MED1: variants seen among roughly 807,000 people sequenced by gnomAD.
MED1 encodes the protein mediator complex subunit 1.
A neutral mutation model predicts 121.3 loss-of-function variants in MED1; 17 were observed. That is an observed-to-expected ratio of 0.14 (90% CI 0.10 to 0.21). MED1 has a LOEUF of 0.21. Among genes scored for constraint, MED1 ranks in the 10% least tolerant of loss-of-function variants. The pLI, the probability that MED1 is intolerant of heterozygous loss-of-function variation, is 1.00. For synonymous variants in MED1, 661 were observed against 694.4 expected (o/e 0.95, Z 0.76); for missense variants, 1,558 against 1,919.4 (o/e 0.81, Z 3.52).
intron 2 of MED1, 81 bp from the exon 3 acceptor site, chr17:39,443,709 A>G (rs899463566): frequency 8.9e-7 from 1 of 1,128,378 alleles, no homozygotes; most frequent in African/African-American, 1.5e-5. Flanking sequence ...TTATCCTAGT[A>G]GTAATATTGC....
In MED1 at chr17:39,408,019, G is replaced by A; in HGVS notation, c.4202C>T (p.Ser1401Phe). The A allele has an allele frequency of 6.2e-7, 1 of 1,614,154 alleles. No individual in the cohort carries two copies. ...AGTCACTTTGGCTTTAATGCTAGGG[G>A]AGCCTCCATCATGCTTACTGATGAT... The part of the protein sequence containing the change: ...KIIISKHDGG[S>F]PSIKAKVTLQ... Residue 1401 changes from serine (S) to phenylalanine (F), a missense_variant, in exon 17 of 17, where the codon TCC (serine) becomes TTC (phenylalanine). Ser to Phe is a radical substitution (Grantham distance 155, BLOSUM62 -2). Transcript: ENST00000300651. The surrounding 1 kb of genome is among the most constrained non-coding windows in gnomAD (Gnocchi z 4.7).
At chr17:39,417,158 C>T (rs1022179681) in intron 14 of MED1, among the ~76,000 whole-genome samples, 2 of 151,884 alleles carry the variant, frequency 1.3e-5, no homozygotes, top group African/African-American at 4.8e-5. Flanking sequence ...GACGAAACCC[C>T]GTCTCTGGTA....
Position 39,405,304 on chromosome 17 carries a change from T to G in MED1, c.*2171A>C, listed in dbSNP as rs77063078. On this transcript the variant is annotated 3_prime_UTR_variant, in exon 17 of 17. Coordinates refer to ENST00000300651, the MANE Select transcript of MED1 (RefSeq NM_004774.4). Reference sequence around the variant, plus strand: ...CATCCAGATCCTAACTCGGGATTCTTTGATCTGGGATGAAGACAGAAAGAG... The same window carrying G: ...CATCCAGATCCTAACTCGGGATTCTGTGATCTGGGATGAAGACAGAAAGAG... 2 of 1,604,622 alleles carry G rather than the reference T, an allele frequency of 1.2e-6. No individual in the cohort carries two copies. Among genetic ancestry groups the G allele is most frequent in the African/African-American group, 2.7e-5 (2 of 74,932 alleles).
At position 39,407,673 on chromosome 17, in the gene MED1, CCGGTCT is replaced by C. The variant is rs1437481554; in HGVS notation, c.4542_4547del (p.Arg1516_Asp1517del). On this transcript the variant is annotated inframe_deletion, in exon 17 of 17. Coordinates refer to ENST00000300651, the MANE Select transcript of MED1 (RefSeq NM_004774.4). ...ATTTTTTCTTGTCTCGGTCTTTGTCCCGGTCTCGGTCCCTATCTTTGTCTTTTACTT... is the reference window on the plus strand; with the variant it reads ...ATTTTTTCTTGTCTCGGTCTTTGTCCCGGTCCCTATCTTTGTCTTTTACTT... The C allele has an allele frequency of 5.0e-6, 8 of 1,613,890 alleles. No individual in the cohort carries two copies. Among genetic ancestry groups the C allele is most frequent in the Middle Eastern group, 1.6e-4 (1 of 6,084 alleles).
rs188170898 is a variant in MED1, at chr17:39,444,368, G to T, written c.133-740C>A. Among the ~76,000 whole-genome samples, 5 of 151,828 alleles carry T rather than the reference G, an allele frequency of 3.3e-5. No homozygotes were observed. In the Admixed American group the frequency reaches 3.3e-4, roughly 10 times the overall value. On this transcript the variant is annotated intron_variant, in intron 2 of 16. Transcript: ENST00000300651. ...CTAAAAATACAAAAATTATCTGGGC[G>T]TGGTGGTGCACGCCTATAGTCCCAG...
chr17:39,406,133 C>T lies in MED1; in HGVS notation c.*1342G>A. Reference sequence around the variant, plus strand: ...ATGTGAAGGGCTCTTATTGATGTCCCCCAGAATCCAGACTCAGACCTATTT... The same window carrying T: ...ATGTGAAGGGCTCTTATTGATGTCCTCCAGAATCCAGACTCAGACCTATTT... On this transcript the variant is annotated 3_prime_UTR_variant, in exon 17 of 17. Transcript: ENST00000300651. 1 of 985,450 alleles carries T rather than the reference C, an allele frequency of 1.0e-6. No individual in the cohort carries two copies. Among genetic ancestry groups the T allele is most frequent in the Non-Finnish European group, 1.2e-6 (1 of 829,924 alleles). 61.0% of individuals were successfully genotyped at this position (985,450 alleles called of 1,614,324 possible). A position where few individuals can be genotyped will look rare whatever the true frequency, so the allele number is the denominator to read the frequency against.
Position 39,410,616 on chromosome 17 carries a change from C to T in MED1, c.1605G>A (p.Met535Ile). The T allele has an allele frequency of 6.2e-7, 1 of 1,614,140 alleles. No homozygotes were observed. Among genetic ancestry groups the T allele is most frequent in the Non-Finnish European group, 8.5e-7 (1 of 1,180,038 alleles). Residue 535 changes from methionine (M) to isoleucine (I), a missense_variant, in exon 17 of 17, where the codon ATG (methionine) becomes ATA (isoleucine). Met to Ile is a conservative substitution (Grantham distance 10). Around this residue, in one of 5 missense-constraint regions of MED1, gnomAD observed 50 missense variants for 134.5 expected, o/e 0.37. Coordinates refer to ENST00000300651, the MANE Select transcript of MED1 (RefSeq NM_004774.4). ...TAGCCGGGGGCAGGTTCTTTTTCAC[C>T]ATGTCTTCAACTGTCTCTGCAATGA... ...LSLIAETVEDMVKKNLPPASS... is the reference protein window; with the variant it reads ...LSLIAETVEDIVKKNLPPASS...
In MED1 at chr17:39,409,093, G is replaced by C. The variant is rs1385465575; in HGVS notation, c.3128C>G (p.Pro1043Arg). ...AGTCTGAGATCTTCCTGCACTGCCT[G>C]GCGATTTAGATCCACCTGTACTGGT... is the stretch of plus-strand genomic sequence containing the variant. ...PPTSTGGSKS[P>R]GSAGRSQTPP... is the part of the protein sequence containing the mutation. Residue 1043 changes from proline to arginine, a missense_variant, in exon 17 of 17, where the codon CCA (proline) becomes CGA (arginine). By Grantham distance (103) the Pro-to-Arg change is moderately radical. Around this residue, in one of 5 missense-constraint regions of MED1, gnomAD observed 793 missense variants for 898.2 expected, o/e 0.88. Coordinates refer to ENST00000300651, the MANE Select transcript of MED1 (RefSeq NM_004774.4). 2 of 1,614,044 alleles carry C rather than the reference G, an allele frequency of 1.2e-6. No individual in the cohort carries two copies. The highest frequency in any genetic ancestry group is 1.7e-6 in the Non-Finnish European group (2 of 1,180,042).
chr17:39,407,949 T>A lies in MED1; in HGVS notation c.4272A>T (p.Gln1424His). The A allele has an allele frequency of 6.2e-7, 1 of 1,614,138 alleles. No individual in the cohort carries two copies. Among genetic ancestry groups the A allele is most frequent in the Non-Finnish European group, 8.5e-7 (1 of 1,180,042 alleles). ...AGCCATAGTTTTTAGAAGAAGCCAT[T>A]TGAGGCCTAAGCCCTTCTCCACTAC... ...GESSGEGLRP[Q>H]MASSKNYGSP... Residue 1424 changes from glutamine (Q) to histidine (H), a missense_variant, in exon 17 of 17, where the codon CAA (glutamine) becomes CAT (histidine). Coordinates refer to ENST00000300651, the MANE Select transcript of MED1 (RefSeq NM_004774.4).
At position 39,409,390 on chromosome 17, in the gene MED1, G is replaced by T; in HGVS notation, c.2831C>A (p.Ala944Glu). ...ACCACTGTGATGCTCCATAAGATCTGCAGGAGCTAAAGCTTTGCCGGCTAC... is the reference window on the plus strand; with the variant it reads ...ACCACTGTGATGCTCCATAAGATCTTCAGGAGCTAAAGCTTTGCCGGCTAC... The part of the protein sequence containing the change: ...ISVAGKALAP[A>E]DLMEHHSGSQ... Residue 944 changes from alanine (A) to glutamate (E), a missense_variant, in exon 17 of 17, where the codon GCA (alanine) becomes GAA (glutamate). Ala to Glu is a moderately radical substitution (Grantham distance 107). This residue lies in a region of MED1 where 793 missense variants were observed against 898.2 expected (regional missense o/e 0.88). Coordinates refer to ENST00000300651, the MANE Select transcript of MED1 (RefSeq NM_004774.4). 6.2e-7 allele frequency: 1 copy of T among 1,614,076 alleles called. No individual in the cohort carries two copies. The highest frequency in any genetic ancestry group is 8.5e-7 in the Non-Finnish European group (1 of 1,180,020).
chr17:39,445,513 T>C (rs2048718202), intron 2 of MED1: 1 of 151,646 alleles, frequency 6.6e-6, no homozygotes, highest in Non-Finnish European at 1.5e-5. Flanking sequence ...CGCCCAGCCA[T>C]GAAAACTCTA....
At chr17:39,445,770 C>T (rs1182252583) in intron 2 of MED1, among the ~76,000 whole-genome samples, 1 of 152,084 alleles carries the variant, frequency 6.6e-6, no homozygotes, top group East Asian at 1.9e-4. Context: ...GGGGCTCACA[C>T]CCGTAATCAC....
chr17:39,414,642 T>C (rs1232147452), intron 16 of MED1, among the ~76,000 whole-genome samples: 4 of 14,570 alleles, frequency 2.7e-4, no homozygotes, highest in Admixed American at 2.2e-3. Context: ...GCCTTTTTTT[T>C]TTTTTTTTTT....
In MED1 at chr17:39,404,347, G is replaced by GA. The variant is rs1022727368; in HGVS notation, c.*3127dup. On this transcript the variant is annotated 3_prime_UTR_variant, in exon 17 of 17. Coordinates refer to ENST00000300651, the MANE Select transcript of MED1 (RefSeq NM_004774.4). ...AACAGGTTATTTTGTAATGTTTCGG[G>GA]AAAAAAATCCCACAACAGATTTCAT... is the stretch of plus-strand genomic sequence containing the variant. The GA allele has an allele frequency of 1.1e-4, 16 of 151,684 alleles. No homozygotes were observed. Among genetic ancestry groups the GA allele is most frequent in the African/African-American group, 1.7e-4 (7 of 41,250 alleles). The allele number at this position is 151,684 out of a possible 1,614,324, so 9.4% of individuals were successfully genotyped here. A position where few individuals can be genotyped will look rare whatever the true frequency, so the allele number is the denominator to read the frequency against.
Position 39,406,454 on chromosome 17 carries a change from C to T in MED1, c.*1021G>A. The T allele has an allele frequency of 3.0e-6, 3 of 985,360 alleles. No homozygotes were observed. Among genetic ancestry groups the T allele is most frequent in the Non-Finnish European group, 3.6e-6 (3 of 829,912 alleles). 61.0% of individuals were successfully genotyped at this position (985,360 alleles called of 1,614,324 possible). On this transcript the variant is annotated 3_prime_UTR_variant, in exon 17 of 17. Transcript: ENST00000300651. ...TTGGCACATTGTGGAAGTAGGAGAA[C>T]TATTAATCCTGTAATGGTTTTCATG...
In MED1 at chr17:39,424,628, A is replaced by G; in HGVS notation, c.850T>C (p.Trp284Arg). 6.4e-7 allele frequency: 1 copy of G among 1,566,174 alleles called. No homozygotes were observed. The highest frequency in any genetic ancestry group is 8.7e-7 in the Non-Finnish European group (1 of 1,146,230). Reference sequence around the variant, plus strand: ...ACTCTAAAATTATATTTAACTTACCATTTATTGTCAACTGGATGTGACCCC... The same window carrying G: ...ACTCTAAAATTATATTTAACTTACCGTTTATTGTCAACTGGATGTGACCCC... The part of the protein sequence containing the change: ...IMGSHPVDNK[W>R]TPSFSSITSA... Residue 284 changes from tryptophan to arginine, a missense_variant and splice_region_variant, in exon 11 of 17, where the codon TGG (tryptophan) becomes CGG (arginine). By Grantham distance (101) the Trp-to-Arg change is moderately radical (BLOSUM62 -3). Coordinates refer to ENST00000300651, the MANE Select transcript of MED1 (RefSeq NM_004774.4).
At position 39,405,950 on chromosome 17, in the gene MED1, T is replaced by C. The variant is rs2048299806; in HGVS notation, c.*1525A>G. On this transcript the variant is annotated 3_prime_UTR_variant, in exon 17 of 17. Transcript: ENST00000300651. ...CCCAGAAGAGTTGTGCTGGGGACCA[T>C]GCCCCATCCCGCTGATACAGATCCT... 2.0e-6 allele frequency: 2 copies of C among 984,992 alleles called. No individual in the cohort carries two copies. Among genetic ancestry groups the C allele is most frequent in the South Asian group, 4.7e-5 (1 of 21,284 alleles). The allele number at this position is 984,992 out of a possible 1,614,324, so 61.0% of individuals were successfully genotyped here.
chr17:39,437,873 G>A (rs1381525775), intron 6 of MED1, among the ~76,000 whole-genome samples: 3 of 152,076 alleles, frequency 2.0e-5, no homozygotes, highest in South Asian at 2.1e-4. Flanking sequence ...GGCAGAGGAT[G>A]CGGTGAGCCA....
intron 14 of MED1, among the ~76,000 whole-genome samples, chr17:39,415,672 T>C (rs12948381): frequency 0.68 from 103,305 of 151,434 alleles, 36,100 homozygotes; most frequent in South Asian, 0.89. Context: ...ACAAAATTAG[T>C]CGGGCGTGGT....
Sources: allele counts gnomAD v4.1 joint callset (sites outside exome capture counted in the v4.1 genomes callset), GRCh38; gene constraint gnomAD v4.1.1; regional missense constraint gnomAD v4.1.1; non-coding constraint Gnocchi (gnomAD v3.1); transcripts MANE v1.5; gene names NCBI Gene and HGNC (gene_info 2026-07-23, HGNC 2026-07-21).